SRGAP1: variants seen among roughly 807,000 people sequenced by gnomAD.
The protein encoded by SRGAP1 is SLIT-ROBO Rho GTPase activating protein 1.
In SRGAP1, 43 loss-of-function variants were observed where a neutral mutation model predicts 121.9. The observed-to-expected ratio is 0.35, with a 90% CI of 0.28 to 0.46. The LOEUF (loss-of-function observed/expected upper bound fraction) is 0.46. SRGAP1 is among the 20% of genes least tolerant of loss of function. The pLI is 1.00. For missense variants in SRGAP1, 1,102 were observed against 1,350.9 expected (o/e 0.82, Z 2.89); for synonymous variants, 447 against 485.4 (o/e 0.92, Z 1.04).
rs564914474 is a variant in SRGAP1, at chr12:63,848,007, T to TTATATA, written c.67+3137_67+3142dup. Among the ~76,000 whole-genome samples the TTATATA allele has an allele frequency of 3.5e-3, 516 of 146,020 alleles. 2 individuals carry two copies. Among genetic ancestry groups the TTATATA allele is most frequent in the African/African-American group, 0.012 (481 of 38,854 alleles). ...ATTTTTTTATTCTTTAATTTTTATT[T>TTATATA]TATATATATATATATATAAAAGGAG... is the stretch of plus-strand genomic sequence containing the variant. On this transcript the variant is annotated intron_variant, in intron 1 of 21. Coordinates refer to ENST00000355086, the MANE Select transcript of SRGAP1 (RefSeq NM_020762.4).
At chr12:64,137,947 G>A (rs191612924) in intron 21 of SRGAP1, among the ~76,000 whole-genome samples, 2,049 of 106,396 alleles carry the variant, frequency 0.019, 26 homozygotes, top group Non-Finnish European at 0.031. Flanking sequence ...TTTCTTAATT[G>A]TGCTTAAAAA....
intron 1 of SRGAP1, among the ~76,000 whole-genome samples, chr12:63,927,023 T>A (rs1412689014): frequency 2.6e-5 from 4 of 152,194 alleles, no homozygotes; most frequent in Admixed American, 6.6e-5. Flanking sequence ...TACCTGGATA[T>A]TTTTCCAATA....
Position 63,871,479 on chromosome 12 carries a change from C to T in SRGAP1, c.67+26596C>T, listed in dbSNP as rs368906722. Among the ~76,000 whole-genome samples the T allele has an allele frequency of 9.9e-5, 15 of 152,266 alleles. 1 individual carries two copies. In the South Asian group the frequency reaches 2.9e-3, roughly 29 times the overall value. ...AAGAACACAGGGCAATGTAACCCTC[C>T]GTAGGGCTTCGCTAGCACATTTCAG... On this transcript the variant is annotated intron_variant, in intron 1 of 21. Transcript: ENST00000355086.
chr12:64,072,147 T>TGTGTGTGG (rs2035651206), intron 8 of SRGAP1, among the ~76,000 whole-genome samples: 1 of 33,884 alleles, frequency 3.0e-5, no homozygotes, highest in African/African-American at 6.5e-5. Flanking sequence ...TGTGTGTGTG[T>TGTGTGTGG]GGGCGGCGGG....
chr12:64,037,380 G>A (rs1344020999), intron 4 of SRGAP1, among the ~76,000 whole-genome samples: 1 of 152,152 alleles, frequency 6.6e-6, no homozygotes, highest in East Asian at 1.9e-4. Context: ...TGTCATCGTG[G>A]ATTCTTTTTC....
At chr12:63,901,013 GAGAC>G (rs2029901259) in intron 1 of SRGAP1, among the ~76,000 whole-genome samples, 1 of 150,306 alleles carries the variant, frequency 6.7e-6, no homozygotes, top group African/African-American at 2.4e-5. Context: ...TTTTAAATGA[GAGAC>G]AGTTCTGACC....
chr12:63,941,808 C>A lies in SRGAP1; in HGVS notation c.68-42139C>A, dbSNP rs1035568169. On this transcript the variant is annotated intron_variant, in intron 1 of 21. Transcript: ENST00000355086. ...TTGTTCTCTGGTACAATGATGCCAA[C>A]GAGCCTGGATTCTGTTGAATAGAAT... Among the ~76,000 whole-genome samples, 9 of 152,064 alleles carry A rather than the reference C, an allele frequency of 5.9e-5. 1 individual carries two copies. Among genetic ancestry groups the A allele is most frequent in the South Asian group, 4.1e-4 (2 of 4,826 alleles).
At chr12:63,928,010 G>T (rs1417978456) in intron 1 of SRGAP1, among the ~76,000 whole-genome samples, 1 of 152,124 alleles carries the variant, frequency 6.6e-6, no homozygotes, top group Non-Finnish European at 1.5e-5. Context: ...CTGCCTTGAT[G>T]TCTAACAGAA....
chr12:64,158,297 A>G lies in SRGAP1; in HGVS notation c.*15625A>G, dbSNP rs1404687435. 1 of 152,210 alleles carries G rather than the reference A, an allele frequency of 6.6e-6. No individual in the cohort carries two copies. Among genetic ancestry groups the G allele is most frequent in the Non-Finnish European group, 1.5e-5 (1 of 68,036 alleles). The allele number at this position is 152,210 out of a possible 1,614,324, so 9.4% of individuals were successfully genotyped here. On this transcript the variant is annotated 3_prime_UTR_variant, in exon 22 of 22. Coordinates refer to ENST00000355086, the MANE Select transcript of SRGAP1 (RefSeq NM_020762.4). ...TTTGTCCTTTATTCCAAAAACTTAA[A>G]AATTTCTCATTTCTGGTTTGTCAGG... is the stretch of plus-strand genomic sequence containing the variant.
intron 21 of SRGAP1, among the ~76,000 whole-genome samples, chr12:64,134,083 G>A (rs982997932): frequency 9.9e-5 from 15 of 151,990 alleles, no homozygotes; most frequent in African/African-American, 2.9e-4. Context: ...GGTTCCCACC[G>A]TTAGATCTGA....
At chr12:63,866,935 C>T (rs1244042383) in intron 1 of SRGAP1, among the ~76,000 whole-genome samples, 4 of 151,912 alleles carry the variant, frequency 2.6e-5, no homozygotes, top group East Asian at 1.9e-4. Flanking sequence ...GTGGCACGCT[C>T]ATGGCTCACT....
In SRGAP1 at chr12:64,094,912, GT is replaced by G. The variant is rs1318702516; in HGVS notation, c.1540-17del. 2.5e-6 allele frequency: 4 copies of G among 1,612,766 alleles called. No individual in the cohort carries two copies. In the Admixed American group the frequency reaches 6.7e-5, roughly 27 times the overall value. ...TATACCTCTCCCTTGAGGTTAACTG[GT>G]TTCCATCCCTTTACCCAGGACTCAG... On this transcript the variant is annotated intron_variant, in intron 12 of 21. Coordinates refer to ENST00000355086, the MANE Select transcript of SRGAP1 (RefSeq NM_020762.4).
chr12:64,119,423 A>G (rs1200296724), intron 18 of SRGAP1, among the ~76,000 whole-genome samples: 3 of 152,174 alleles, frequency 2.0e-5, no homozygotes, highest in East Asian at 1.9e-4. Context: ...GCCCAACTGG[A>G]GTTTTGATTG....
At chr12:64,025,852 T>G (rs1189784630) in intron 4 of SRGAP1, among the ~76,000 whole-genome samples, 1 of 152,198 alleles carries the variant, frequency 6.6e-6, no homozygotes, top group Non-Finnish European at 1.5e-5. Context: ...TTAGCTAATT[T>G]AACCTGGCTT....
Position 64,142,482 on chromosome 12 carries a change from A to G in SRGAP1, c.3068A>G (p.Gln1023Arg), listed in dbSNP as rs764794013. 2.5e-6 allele frequency: 4 copies of G among 1,614,172 alleles called. No individual in the cohort carries two copies. ...GTTGCCCTCAGGAGCTCCGAGCCTC[A>G]GATTCGACGTAGCACGAGCTCCTCC... ...HNVALRSSEP[Q>R]IRRSTSSSSD... Residue 1023 changes from glutamine (Q) to arginine (R), a missense_variant, in exon 22 of 22, where the codon CAG becomes CGG. Around this residue, in one of 3 missense-constraint regions of SRGAP1, gnomAD observed 315 missense variants for 343.1 expected, o/e 0.92. Transcript: ENST00000355086.
intron 1 of SRGAP1, among the ~76,000 whole-genome samples, chr12:63,943,481 C>T (rs1395676098): frequency 6.6e-6 from 1 of 152,208 alleles, no homozygotes; most frequent in Non-Finnish European, 1.5e-5. Context: ...CTACTTTTTA[C>T]ACTTAAAGAA....
At chr12:64,119,909 T>A (rs917875284) in intron 18 of SRGAP1, among the ~76,000 whole-genome samples, 2 of 151,868 alleles carry the variant, frequency 1.3e-5, no homozygotes, top group African/African-American at 2.4e-5. Context: ...TACCTGGGAT[T>A]ACAGGTGCAT....
intron 1 of SRGAP1, among the ~76,000 whole-genome samples, chr12:63,933,903 C>T (rs537442418): frequency 5.3e-5 from 8 of 152,152 alleles, no homozygotes; most frequent in African/African-American, 7.2e-5. Context: ...TTGAAATCAG[C>T]GATGTCACAA....
Position 63,844,719 on chromosome 12 carries a change from C to T in SRGAP1, c.-98C>T. 1.7e-6 allele frequency: 2 copies of T among 1,197,972 alleles called. No homozygotes were observed. Among genetic ancestry groups the T allele is most frequent in the Non-Finnish European group, 1.2e-6 (1 of 800,362 alleles). 74.2% of individuals were successfully genotyped at this position (1,197,972 alleles called of 1,614,324 possible). ...TCGGGTCGGCGCTGCCTCTGGATTG[C>T]CTGCGTGTGGGAGTACAACTCTGCC... is the stretch of plus-strand genomic sequence containing the variant. On this transcript the variant is annotated 5_prime_UTR_variant, in exon 1 of 22. Coordinates refer to ENST00000355086, the MANE Select transcript of SRGAP1 (RefSeq NM_020762.4). This position sits in a 1 kb window ranked among gnomAD's most constrained non-coding sequence, Gnocchi z 4.3.
Sources: allele counts gnomAD v4.1 joint callset (sites outside exome capture counted in the v4.1 genomes callset), GRCh38; gene constraint gnomAD v4.1.1; regional missense constraint gnomAD v4.1.1; non-coding constraint Gnocchi (gnomAD v3.1); transcripts MANE v1.5; gene names NCBI Gene and HGNC (gene_info 2026-07-23, HGNC 2026-07-21).